RYR3: variants seen among roughly 807,000 people sequenced by gnomAD.
RYR3 encodes the protein ryanodine receptor 3, also known as brain ryanodine receptor-calcium release channel.
In RYR3, 207 loss-of-function variants were observed where a neutral mutation model predicts 584.3. The ratio of observed to expected loss-of-function variants is 0.35; its 90% confidence interval spans 0.32 to 0.40. The LOEUF is 0.40. Ranked by LOEUF, RYR3 falls within the 10% of genes least tolerant of loss-of-function variation. RYR3 has a pLI of 1.00. For synonymous variants in RYR3, 2,416 were observed against 2,248.5 expected, an observed-to-expected ratio of 1.07 and a Z score of -2.11; for missense variants, 5,616 against 6,089.2, an observed-to-expected ratio of 0.92 and a Z score of 2.59.
chr15:33,344,499 A>G (rs1396277577), intron 1 of RYR3, among the ~76,000 whole-genome samples: 1 of 152,084 alleles, frequency 6.6e-6, no homozygotes, highest in African/African-American at 2.4e-5. Context: ...GACAATATAT[A>G]TATATTTTTC....
chr15:33,709,514 G>A (rs564085780), intron 43 of RYR3, among the ~76,000 whole-genome samples: 8 of 152,288 alleles, frequency 5.3e-5, no homozygotes, highest in African/African-American at 1.9e-4. Context: ...TTGGGAGATG[G>A]GGCCTAATTG....
At chr15:33,803,734 C>T (rs1192950762) in intron 69 of RYR3, among the ~76,000 whole-genome samples, 1 of 152,122 alleles carries the variant, frequency 6.6e-6, no homozygotes, top group African/African-American at 2.4e-5. Flanking sequence ...AGGCTGGTCT[C>T]GAACTCCTGA....
intron 10 of RYR3, among the ~76,000 whole-genome samples, chr15:33,555,735 G>A (rs2057024847): frequency 6.6e-6 from 1 of 152,206 alleles, no homozygotes. Flanking sequence ...CAAGGTGGTG[G>A]TGCAAGGGTT....
intron 19 of RYR3, among the ~76,000 whole-genome samples, chr15:33,615,132 A>G (rs751791471): frequency 6.6e-6 from 1 of 152,186 alleles, no homozygotes; most frequent in Non-Finnish European, 1.5e-5. Context: ...AGAGATCACA[A>G]TCAATTGAGC....
At chr15:33,600,386 G>A (rs1458921487) in intron 16 of RYR3, among the ~76,000 whole-genome samples, 1 of 152,058 alleles carries the variant, frequency 6.6e-6, no homozygotes, top group Non-Finnish European at 1.5e-5. Context: ...GTTATTTGTC[G>A]ACTGCTGTTT....
intron 44 of RYR3, 89 bp downstream of exon 44, chr15:33,722,984 G>C: frequency 8.5e-7 from 1 of 1,170,386 alleles, no homozygotes; most frequent in Non-Finnish European, 1.2e-6. Context: ...AGGTAATAGA[G>C]AAAGCACATG....
Position 33,813,551 on chromosome 15 carries a change from A to T in RYR3, c.10474A>T (p.Arg3492Trp). The change falls in exon 74 of 104, where the codon AGG becomes TGG. Residue 3492 changes from arginine (R) to tryptophan (W), a missense_variant. By Grantham distance (101) the Arg-to-Trp change is moderately radical (BLOSUM62 -3). Transcript: ENST00000634891. ...GAAACGGGCAGTGGTGGCCTGTTTC[A>T]GGATGGCCCCTCTCTACAACCTGCC... The part of the protein sequence containing the change: ...QRKRAVVACF[R>W]MAPLYNLPRH... The T allele has an allele frequency of 6.2e-7, 1 of 1,613,968 alleles. No homozygotes were observed. Among genetic ancestry groups the T allele is most frequent in the Non-Finnish European group, 8.5e-7 (1 of 1,179,844 alleles).
At chr15:33,764,307 C>A (rs1377305489) in intron 60 of RYR3, among the ~76,000 whole-genome samples, 1 of 152,070 alleles carries the variant, frequency 6.6e-6, no homozygotes, top group African/African-American at 2.4e-5. Flanking sequence ...AACACTCATT[C>A]TCAGCAAACT....
At chr15:33,789,133 G>C (rs2074930690) in intron 67 of RYR3, among the ~76,000 whole-genome samples, 1 of 151,970 alleles carries the variant, frequency 6.6e-6, no homozygotes. Context: ...ATGTTCAAGG[G>C]ACCAAAAGGA....
intron 7 of RYR3, among the ~76,000 whole-genome samples, chr15:33,542,289 G>A (rs1242502484): frequency 6.6e-6 from 1 of 152,100 alleles, no homozygotes; most frequent in Non-Finnish European, 1.5e-5. Context: ...TGTTCTCTGT[G>A]TGAGTAGGAT....
chr15:33,570,555 G>T (rs117372608), intron 12 of RYR3, among the ~76,000 whole-genome samples: 1 of 151,836 alleles, frequency 6.6e-6, no homozygotes, highest in African/African-American at 2.4e-5. Flanking sequence ...ATTTATTTTG[G>T]TGCTTCTGGG....
chr15:33,796,533 G>A (rs1202929789), intron 67 of RYR3, among the ~76,000 whole-genome samples: 1 of 152,190 alleles, frequency 6.6e-6, no homozygotes, highest in Non-Finnish European at 1.5e-5. Flanking sequence ...ACTGTGCTCA[G>A]TTATTTCATC....
chr15:33,611,749 C>G (rs567593751), intron 18 of RYR3, among the ~76,000 whole-genome samples: 2 of 152,150 alleles, frequency 1.3e-5, no homozygotes, highest in South Asian at 2.1e-4. Flanking sequence ...GCCTCCACCT[C>G]TTGGGTTCAA....
intron 1 of RYR3, among the ~76,000 whole-genome samples, chr15:33,357,112 T>C (rs1443603072): frequency 6.6e-6 from 1 of 152,130 alleles, no homozygotes; most frequent in Non-Finnish European, 1.5e-5. Flanking sequence ...CGTGGCCTGG[T>C]CCTGGACATA....
intron 36 of RYR3, among the ~76,000 whole-genome samples, chr15:33,664,630 T>TATATATATATATAA: frequency 7.3e-6 from 1 of 137,110 alleles, no homozygotes; most frequent in African/African-American, 2.6e-5. Context: ...TGTATACATC[T>TATATATATATATAA]GCGAGGGAGA....
chr15:33,429,968 G>A (rs1013298404), intron 1 of RYR3, among the ~76,000 whole-genome samples: 7 of 152,272 alleles, frequency 4.6e-5, no homozygotes, highest in Non-Finnish European at 1.0e-4. Context: ...CCAGCCAGTC[G>A]TCTAGGGCCC....
intron 23 of RYR3, among the ~76,000 whole-genome samples, chr15:33,632,053 A>G (rs1441436935): frequency 6.6e-6 from 1 of 152,228 alleles, no homozygotes; most frequent in Non-Finnish European, 1.5e-5. Flanking sequence ...TCAGGACACA[A>G]CAGTCAGTGC....
Position 33,738,576 on chromosome 15 carries a change from T to A in RYR3, c.7642T>A (p.Ser2548Thr). The A allele has an allele frequency of 6.2e-7, 1 of 1,613,900 alleles. No individual in the cohort carries two copies. The highest frequency in any genetic ancestry group is 8.5e-7 in the Non-Finnish European group (1 of 1,179,852). Residue 2548 changes from serine (S) to threonine (T), a missense_variant, in exon 50 of 104, where the codon TCG becomes ACG. Transcript: ENST00000634891. ...GAAGCTTTTCTGGGGGATTTTTGAC[T>A]CGCTCTCCCATAAGGTAATGACAGT... ...TEKLFWGIFD[S>T]LSHKKYDPDL...
chr15:33,773,625 G>A lies in RYR3; in HGVS notation c.9137+10G>A, dbSNP rs1483256645. The A allele has an allele frequency of 6.5e-7, 1 of 1,545,506 alleles. No homozygotes were observed. Among genetic ancestry groups the A allele is most frequent in the South Asian group, 1.2e-5 (1 of 86,448 alleles). ...ACATTTATGTTGAAAGGTAATTAGT[G>A]AACGAAGAGGCTAACACTTTCAGGC... On this transcript the variant is annotated intron_variant, in intron 64 of 103. Coordinates refer to ENST00000634891, the MANE Select transcript of RYR3 (RefSeq NM_001036.6).
Sources: gnomAD v4.1 joint callset for allele counts (sites outside exome capture counted in the v4.1 genomes callset) on GRCh38, gnomAD v4.1.1 for gene constraint, MANE v1.5 for transcripts, NCBI Gene and HGNC (gene_info 2026-07-23, HGNC 2026-07-21) for gene names.